ZBTB42: variants seen among roughly 807,000 people sequenced by gnomAD.
ZBTB42 encodes the protein zinc finger and BTB domain containing 42, also known as zinc finger and BTB domain-containing protein 42.
ZBTB42 carries 3 observed loss-of-function variants against 4.7 expected under a neutral mutation model. That is an observed-to-expected ratio of 0.64 (90% CI 0.29 to 1.66). The LOEUF is 1.66. Among genes scored for constraint, ZBTB42 ranks in the 40% most tolerant of loss-of-function variants. The probability of loss-of-function intolerance (pLI) is 0.10; values close to 1 mark genes in which losing one functional copy is unlikely to be tolerated. For synonymous variants in ZBTB42, 255 were observed against 259.5 expected, an observed-to-expected ratio of 0.98 and a Z score of 0.17; for missense variants, 521 against 577.1, an observed-to-expected ratio of 0.90 and a Z score of 1.00.
In ZBTB42 at chr14:104,802,568, G is replaced by C. The variant is rs781034178; in HGVS notation, c.*102G>C. 3.4e-6 allele frequency: 5 copies of C among 1,452,664 alleles called. No homozygotes were observed. Among genetic ancestry groups the C allele is most frequent in the Non-Finnish European group, 4.6e-6 (5 of 1,091,566 alleles). The allele number at this position is 1,452,664 out of a possible 1,614,324, so 90.0% of individuals were successfully genotyped here. ...GAAGCCTGACCAGGTGGAGGTCCCT[G>C]CTTGGGCCAGATGGCTCCACCCTCC... On this transcript the variant is annotated 3_prime_UTR_variant, in exon 1 of 1. Coordinates refer to ENST00000342537, the MANE Select transcript of ZBTB42 (RefSeq NM_001137601.3). This position sits in a 1 kb window ranked among gnomAD's most constrained non-coding sequence, Gnocchi z 5.9.
At position 104,801,256 on chromosome 14, in the gene ZBTB42, T is replaced by C; in HGVS notation, c.59T>C (p.Leu20Pro). ...LLGRLRQQRE[L>P]GFLCDCTVLV... ...GGCCGCCTGAGACAGCAGCGCGAGC[T>C]GGGCTTCCTATGCGACTGCACCGTG... The change falls in exon 1 of 1, where the codon CTG (leucine) becomes CCG (proline). Residue 20 changes from leucine (L) to proline (P), a missense_variant. Coordinates refer to ENST00000342537, the MANE Select transcript of ZBTB42 (RefSeq NM_001137601.3). The surrounding 1 kb of genome is among the most constrained non-coding windows in gnomAD (Gnocchi z 4.4). 1 of 1,500,596 alleles carries C rather than the reference T, an allele frequency of 6.7e-7. No individual in the cohort carries two copies. Among genetic ancestry groups the C allele is most frequent in the Non-Finnish European group, 8.9e-7 (1 of 1,127,004 alleles). 93.0% of individuals were successfully genotyped at this position (1,500,596 alleles called of 1,614,324 possible).
Position 104,801,270 on chromosome 14 carries a change from G to A in ZBTB42, c.73G>A (p.Asp25Asn). The change falls in exon 1 of 1, where the codon GAC becomes AAC. Residue 25 changes from aspartate (D) to asparagine (N), a missense_variant. Physicochemically the swap from Asp to Asn is conservative, Grantham distance 23. Coordinates refer to ENST00000342537, the MANE Select transcript of ZBTB42 (RefSeq NM_001137601.3). The surrounding 1 kb of genome is among the most constrained non-coding windows in gnomAD (Gnocchi z 4.4). ...RQQRELGFLC[D>N]CTVLVGDARF... is the part of the protein sequence containing the mutation. ...GCAGCGCGAGCTGGGCTTCCTATGCGACTGCACCGTGCTGGTGGGCGACGC... is the reference window on the plus strand; with the variant it reads ...GCAGCGCGAGCTGGGCTTCCTATGCAACTGCACCGTGCTGGTGGGCGACGC... 1 of 1,534,746 alleles carries A rather than the reference G, an allele frequency of 6.5e-7. No individual in the cohort carries two copies. Among genetic ancestry groups the A allele is most frequent in the Non-Finnish European group, 8.8e-7 (1 of 1,142,182 alleles).
rs1016879008 is a variant in ZBTB42, at chr14:104,803,609, C to T, written c.*1143C>T. On this transcript the variant is annotated 3_prime_UTR_variant, in exon 1 of 1. Coordinates refer to ENST00000342537, the MANE Select transcript of ZBTB42 (RefSeq NM_001137601.3). ...GGTGAGGAGTGGGAGTCGCAGCACC[C>T]TAGGGGCCTCCATCCGCAGCCTTGG... 10 of 166,894 alleles carry T rather than the reference C, an allele frequency of 6.0e-5. No homozygotes were observed. In the Admixed American group the frequency reaches 6.5e-4, roughly 11 times the overall value. 10.3% of individuals were successfully genotyped at this position (166,894 alleles called of 1,614,324 possible).
Position 104,801,271 on chromosome 14 carries a change from A to C in ZBTB42, c.74A>C (p.Asp25Ala). Reference sequence around the variant, plus strand: ...CAGCGCGAGCTGGGCTTCCTATGCGACTGCACCGTGCTGGTGGGCGACGCG... The same window carrying C: ...CAGCGCGAGCTGGGCTTCCTATGCGCCTGCACCGTGCTGGTGGGCGACGCG... ...RQQRELGFLCDCTVLVGDARF... is the reference protein window; with the variant it reads ...RQQRELGFLCACTVLVGDARF... Residue 25 changes from aspartate to alanine, a missense_variant, in exon 1 of 1, where the codon GAC becomes GCC. Coordinates refer to ENST00000342537, the MANE Select transcript of ZBTB42 (RefSeq NM_001137601.3). This position sits in a 1 kb window ranked among gnomAD's most constrained non-coding sequence, Gnocchi z 4.4. The C allele has an allele frequency of 6.5e-7, 1 of 1,535,382 alleles. No individual in the cohort carries two copies.
rs796904752 is a variant in ZBTB42 at position 104,803,071 on chromosome 14, TG to T, written c.*616del. On this transcript the variant is annotated 3_prime_UTR_variant, in exon 1 of 1. Transcript: ENST00000342537. Reference sequence around the variant, plus strand: ...TCTGGGCACAGCTGGTGTCTCGGGGTGGGGGGGGGGGTGCAGCCCCAGCAGG... The same window carrying T: ...TCTGGGCACAGCTGGTGTCTCGGGGTGGGGGGGGGGTGCAGCCCCAGCAGG... 2,392 of 77,672 alleles carry T rather than the reference TG, an allele frequency of 0.031. 26 individuals are homozygous for T. Among genetic ancestry groups the T allele is most frequent in the African/African-American group, 0.038 (598 of 15,872 alleles). 4.8% of individuals were successfully genotyped at this position (77,672 alleles called of 1,614,324 possible). A position where few individuals can be genotyped will look rare whatever the true frequency, so the allele number is the denominator to read the frequency against.
At position 104,801,155 on chromosome 14, in the gene ZBTB42, C is replaced by G. The variant is rs1483884271; in HGVS notation, c.-43C>G. On this transcript the variant is annotated 5_prime_UTR_variant, in exon 1 of 1. Transcript: ENST00000342537. The surrounding 1 kb of genome is among the most constrained non-coding windows in gnomAD (Gnocchi z 4.4). ...CGCTTCGTGGGCGCCTCCAGGCGCG[C>G]TGACGGGCGTCCCGTTTGTGCCCAG... 14 of 1,382,612 alleles carry G rather than the reference C, an allele frequency of 1.0e-5. No homozygotes were observed. The East Asian group carries it at 2.1e-4, about 20-fold the overall frequency. The allele number at this position is 1,382,612 out of a possible 1,614,324, so 85.6% of individuals were successfully genotyped here. A position where few individuals can be genotyped will look rare whatever the true frequency, so the allele number is the denominator to read the frequency against.
chr14:104,801,002 G>A (rs1894028011), upstream of ZBTB42: 1 of 571,102 alleles, frequency 1.8e-6, no homozygotes, highest in African/African-American at 2.0e-5. The surrounding 1 kb of genome is among the most constrained non-coding windows in gnomAD (Gnocchi z 4.4). Flanking sequence ...CCCCGCGGCG[G>A]AGCTGCTACT....
Position 104,802,653 on chromosome 14 carries a change from C to A in ZBTB42, c.*187C>A, listed in dbSNP as rs188963600. The A allele has an allele frequency of 7.5e-4, 632 of 844,102 alleles. 7 individuals are homozygous for A. In the East Asian group the frequency reaches 0.013, roughly 17 times the overall value. 52.3% of individuals were successfully genotyped at this position (844,102 alleles called of 1,614,324 possible). ...GCCTCAGACTCGGTAACTTGGGCAG[C>A]CTTCCTCCCACCTTGCCTCTCCTTT... On this transcript the variant is annotated 3_prime_UTR_variant, in exon 1 of 1. Coordinates refer to ENST00000342537, the MANE Select transcript of ZBTB42 (RefSeq NM_001137601.3). The surrounding 1 kb of genome is among the most constrained non-coding windows in gnomAD (Gnocchi z 5.9).
rs563442607 is a variant in ZBTB42, at chr14:104,802,208, G to A, written c.1011G>A (p.Pro337=). 77 of 1,549,958 alleles carry A rather than the reference G, an allele frequency of 5.0e-5. No individual in the cohort carries two copies. The highest frequency in any genetic ancestry group is 6.5e-5 in the Non-Finnish European group (75 of 1,146,956). ...CCGACGGCGTGGCACCCACCTGCCC[G>A]CTCTGTGGGAAGACCTTCTCGTGCA... ...LSPDGVAPTC[P]LCGKTFSCTY... is the part of the protein sequence containing the mutation. The change falls in exon 1 of 1, where the codon CCG becomes CCA. Residue 337 remains proline (P), a synonymous_variant. Transcript: ENST00000342537. This position sits in a 1 kb window ranked among gnomAD's most constrained non-coding sequence, Gnocchi z 5.9.
At position 104,802,408 on chromosome 14, in the gene ZBTB42, A is replaced by C; in HGVS notation, c.1211A>C (p.Asp404Ala). The C allele has an allele frequency of 1.3e-6, 2 of 1,550,542 alleles. No individual in the cohort carries two copies. Among genetic ancestry groups the C allele is most frequent in the Non-Finnish European group, 1.7e-6 (2 of 1,147,010 alleles). ...WCERRFTQSG[D>A]LYRHVRKFHC... ...GAGCGCCGTTTCACGCAGTCCGGGG[A>C]CCTCTACCGCCACGTCCGCAAGTTT... The change falls in exon 1 of 1, where the codon GAC becomes GCC. Residue 404 changes from aspartate (D) to alanine (A), a missense_variant. By Grantham distance (126) the Asp-to-Ala change is moderately radical (BLOSUM62 -2). Transcript: ENST00000342537. The surrounding 1 kb of genome is among the most constrained non-coding windows in gnomAD (Gnocchi z 5.9).
chr14:104,801,342 T>A lies in ZBTB42; in HGVS notation c.145T>A (p.Phe49Ile). The A allele has an allele frequency of 1.3e-6, 2 of 1,548,696 alleles. No individual in the cohort carries two copies. Among genetic ancestry groups the A allele is most frequent in the Non-Finnish European group, 1.7e-6 (2 of 1,146,334 alleles). The change falls in exon 1 of 1, where the codon TTC becomes ATC. Residue 49 changes from phenylalanine to isoleucine, a missense_variant. Coordinates refer to ENST00000342537, the MANE Select transcript of ZBTB42 (RefSeq NM_001137601.3). The surrounding 1 kb of genome is among the most constrained non-coding windows in gnomAD (Gnocchi z 4.4). ...RAVLAACSVY[F>I]HLFYRDRPAG... ...CGTGCTGGCCGCGTGCAGCGTCTAC[T>A]TCCATCTCTTCTACAGGGACCGGCC...
upstream of ZBTB42, chr14:104,801,100 T>C (rs1595271841): frequency 7.3e-7 from 1 of 1,363,840 alleles, no homozygotes; most frequent in East Asian, 3.0e-5. The surrounding 1 kb of genome is among the most constrained non-coding windows in gnomAD (Gnocchi z 4.4). Flanking sequence ...CCCGCGCCGC[T>C]CTTTCCGCGC....
upstream of ZBTB42, chr14:104,800,713 G>A (rs1249417248): frequency 1.4e-5 from 2 of 146,388 alleles, no homozygotes; most frequent in African/African-American, 2.5e-5. This position sits in a 1 kb window ranked among gnomAD's most constrained non-coding sequence, Gnocchi z 5.3. Flanking sequence ...GAGCGCTGGG[G>A]GTGGGCTCCC....
rs748084545 is a variant in ZBTB42 at position 104,801,281 on chromosome 14, G to T, written c.84G>T (p.Val28=). The stretch of plus-strand genomic sequence containing the variant: ...TGGGCTTCCTATGCGACTGCACCGT[G>T]CTGGTGGGCGACGCGCGCTTCCCGG... ...RELGFLCDCT[V]LVGDARFPAH... Residue 28 remains valine, a synonymous_variant, in exon 1 of 1, where the codon GTG becomes GTT. Transcript: ENST00000342537. This position sits in a 1 kb window ranked among gnomAD's most constrained non-coding sequence, Gnocchi z 4.4. 8 of 1,541,814 alleles carry T rather than the reference G, an allele frequency of 5.2e-6. No homozygotes were observed. In the East Asian group the frequency reaches 1.7e-4, roughly 33 times the overall value.
At position 104,802,749 on chromosome 14, in the gene ZBTB42, C is replaced by T; in HGVS notation, c.*283C>T. 1 of 519,438 alleles carries T rather than the reference C, an allele frequency of 1.9e-6. No homozygotes were observed. The highest frequency in any genetic ancestry group is 3.5e-6 in the Non-Finnish European group (1 of 282,864). 32.2% of individuals were successfully genotyped at this position (519,438 alleles called of 1,614,324 possible). ...TAGGCTGTGACACTATCTTCCTCTC[C>T]CGTCCCCTCCAGCCAAGTTCTGAGG... On this transcript the variant is annotated 3_prime_UTR_variant, in exon 1 of 1. Transcript: ENST00000342537. This position sits in a 1 kb window ranked among gnomAD's most constrained non-coding sequence, Gnocchi z 5.9.
At position 104,801,615 on chromosome 14, in the gene ZBTB42, C is replaced by T. The variant is rs1474477367; in HGVS notation, c.418C>T (p.Pro140Ser). Reference protein sequence around the residue: ...PAPGAEPAQPPCPWPVWTADL... With the variant: ...PAPGAEPAQPSCPWPVWTADL... ...CCCTGGGGCAGAACCTGCTCAGCCACCGTGCCCCTGGCCTGTCTGGACCGC... is the reference window on the plus strand; with the variant it reads ...CCCTGGGGCAGAACCTGCTCAGCCATCGTGCCCCTGGCCTGTCTGGACCGC... Residue 140 changes from proline (P) to serine (S), a missense_variant, in exon 1 of 1, where the codon CCG becomes TCG. Pro to Ser is a moderately conservative substitution (Grantham distance 74). Transcript: ENST00000342537. The surrounding 1 kb of genome is among the most constrained non-coding windows in gnomAD (Gnocchi z 4.4). 1.3e-6 allele frequency: 2 copies of T among 1,549,982 alleles called. No homozygotes were observed. Among genetic ancestry groups the T allele is most frequent in the Admixed American group, 2.0e-5 (1 of 51,000 alleles).
rs898535357 is a variant in ZBTB42, at chr14:104,804,111, A to C, written c.*1645A>C. ...CCTGGGCCCCAGCCCCCACCTCTGC[A>C]AGGGATCGGTGTGATGTGCTCCATA... is the stretch of plus-strand genomic sequence containing the variant. On this transcript the variant is annotated 3_prime_UTR_variant, in exon 1 of 1. Transcript: ENST00000342537. 1 of 166,022 alleles carries C rather than the reference A, an allele frequency of 6.0e-6. No individual in the cohort carries two copies. The highest frequency in any genetic ancestry group is 2.4e-5 in the African/African-American group (1 of 41,048). The allele number at this position is 166,022 out of a possible 1,614,324, so 10.3% of individuals were successfully genotyped here. A position where few individuals can be genotyped will look rare whatever the true frequency, so the allele number is the denominator to read the frequency against.
Position 104,801,960 on chromosome 14 carries a change from A to G in ZBTB42, c.763A>G (p.Lys255Glu). The change falls in exon 1 of 1, where the codon AAG (lysine) becomes GAG (glutamate). Residue 255 changes from lysine (K) to glutamate (E), a missense_variant. Physicochemically the swap from Lys to Glu is moderately conservative, Grantham distance 56. Transcript: ENST00000342537. The surrounding 1 kb of genome is among the most constrained non-coding windows in gnomAD (Gnocchi z 4.4). ...PPKPPPVPAA[K>E]GLVVGLQPLP... ...GAAGCCACCTCCTGTTCCTGCAGCC[A>G]AGGGCCTGGTGGTGGGCTTGCAGCC... 1 of 1,525,390 alleles carries G rather than the reference A, an allele frequency of 6.6e-7. No individual in the cohort carries two copies. Among genetic ancestry groups the G allele is most frequent in the Non-Finnish European group, 8.8e-7 (1 of 1,137,088 alleles). 94.5% of individuals were successfully genotyped at this position (1,525,390 alleles called of 1,614,324 possible). A position where few individuals can be genotyped will look rare whatever the true frequency, so the allele number is the denominator to read the frequency against.
At chr14:104,801,030 T>A, upstream of ZBTB42, 1 of 837,050 alleles carries the variant, frequency 1.2e-6, no homozygotes. This position sits in a 1 kb window ranked among gnomAD's most constrained non-coding sequence, Gnocchi z 4.4. Flanking sequence ...TTCGATCGAG[T>A]TTTTCCTGCT....
Sources: allele counts gnomAD v4.1 joint callset, GRCh38; gene constraint gnomAD v4.1.1; non-coding constraint Gnocchi (gnomAD v3.1); transcripts MANE v1.5; gene names NCBI Gene and HGNC (gene_info 2026-07-23, HGNC 2026-07-21).